Variants in SPATA7 observed in about 807,000 individuals in gnomAD.
SPATA7 encodes the protein spermatogenesis associated 7, also known as spermatogenesis-associated protein 7.
Under a neutral mutation model 51.8 loss-of-function variants are expected in SPATA7, and 43 were observed. The observed-to-expected ratio is 0.83, with a 90% CI of 0.65 to 1.07. The LOEUF (loss-of-function observed/expected upper bound fraction) is 1.07, where lower values mean the gene tolerates loss of function less well. Ranked by LOEUF, SPATA7 falls within the 50% of genes least tolerant of loss-of-function variation. The pLI is 0.00. For synonymous variants in SPATA7, 230 were observed against 252.8 expected, an observed-to-expected ratio of 0.91 and a Z score of 0.86; for missense variants, 683 against 701.3, an observed-to-expected ratio of 0.97 and a Z score of 0.30.
At position 88,426,513 on chromosome 14, in the gene SPATA7, G is replaced by T. The variant is rs1566779741; in HGVS notation, c.654G>T (p.Ser218=). Residue 218 remains serine (S), a synonymous_variant, in exon 6 of 12, where the codon TCG becomes TCT. Transcript: ENST00000393545. ...CCCACCGGTTTCAGTTAGTCATTTC[G>T]AAAGCACCCAGTGGGGATCTTTTGG... is the stretch of plus-strand genomic sequence containing the variant. ...PNSHRFQLVI[S]KAPSGDLLDK... 1 of 1,614,180 alleles carries T rather than the reference G, an allele frequency of 6.2e-7. No homozygotes were observed.
At chr14:88,470,161 A>G (rs2077438014) in exon 5 of SPATA7, 1 of 966,208 alleles carries the variant, frequency 1.0e-6, no homozygotes, top group Admixed American at 2.6e-5. Flanking sequence ...GTAAAAAGTA[A>G]AAAAGTAGTA....
chr14:88,460,324 TC>T (rs1165661807), intron 4 of SPATA7, among the ~76,000 whole-genome samples: 8 of 152,180 alleles, frequency 5.3e-5, no homozygotes, highest in African/African-American at 1.9e-4. Flanking sequence ...GGTTCCATTC[TC>T]CCCATCACTT....
chr14:88,385,799 C>T lies in SPATA7; in HGVS notation c.-20C>T. 1 of 1,602,514 alleles carries T rather than the reference C, an allele frequency of 6.2e-7. No individual in the cohort carries two copies. The highest frequency in any genetic ancestry group is 8.5e-7 in the Non-Finnish European group (1 of 1,174,300). On this transcript the variant is annotated 5_prime_UTR_variant, in exon 1 of 12. Coordinates refer to ENST00000393545, the MANE Select transcript of SPATA7 (RefSeq NM_018418.5). ...AAGGGGATACAGCGTGTCCCTGCGGCGGCTGCAAGAGGACTAAGCATGGAT... is the reference window on the plus strand; with the variant it reads ...AAGGGGATACAGCGTGTCCCTGCGGTGGCTGCAAGAGGACTAAGCATGGAT...
At chr14:88,395,165 T>A (rs1188874033) in intron 3 of SPATA7, among the ~76,000 whole-genome samples, 1 of 152,096 alleles carries the variant, frequency 6.6e-6, no homozygotes, top group Non-Finnish European at 1.5e-5. Context: ...ACTCTGCTCT[T>A]CCACTAATGT....
intron 5 of SPATA7, among the ~76,000 whole-genome samples, chr14:88,419,851 T>C (rs2076591803): frequency 6.6e-6 from 1 of 152,116 alleles, no homozygotes; most frequent in Non-Finnish European, 1.5e-5. Flanking sequence ...TGGCTTCTTA[T>C]TTCATACCTT....
intron 4 of SPATA7, chr14:88,468,078 G>A (rs752943225): frequency 6.3e-7 from 1 of 1,577,224 alleles, no homozygotes; most frequent in East Asian, 2.2e-5. Flanking sequence ...TTAGGCAAGC[G>A]CTTTTTTTTT....
At chr14:88,445,163 A>G in intron 3 of SPATA7, among the ~76,000 whole-genome samples, 1 of 151,444 alleles carries the variant, frequency 6.6e-6, no homozygotes, top group Non-Finnish European at 1.5e-5. Flanking sequence ...TATTTCCTTG[A>G]GCAGTGGTTT....
intron 3 of SPATA7, chr14:88,393,699 A>AT: frequency 2.5e-6 from 1 of 401,688 alleles, no homozygotes. Flanking sequence ...TATATTGCCT[A>AT]TTTTATTTCG....
intron 7 of SPATA7, chr14:88,428,883 T>C (rs1179381833): frequency 1.2e-5 from 2 of 171,112 alleles, no homozygotes; most frequent in Non-Finnish European, 2.5e-5. Flanking sequence ...TGGCACAGTT[T>C]GTGGTGTGTA....
At chr14:88,437,108 A>G (rs1298026658) in intron 10 of SPATA7, among the ~76,000 whole-genome samples, 1 of 145,806 alleles carries the variant, frequency 6.9e-6, no homozygotes, top group Admixed American at 6.9e-5. Context: ...CATTTTGTTC[A>G]TTGGTGTTTT....
intron 4 of SPATA7, among the ~76,000 whole-genome samples, chr14:88,401,568 G>T (rs1211529391): frequency 1.3e-5 from 2 of 152,078 alleles, no homozygotes; most frequent in African/African-American, 4.8e-5. Context: ...GGGTGTGGTG[G>T]TTCACTCCTG....
chr14:88,437,420 C>A, intron 10 of SPATA7, 123 bp from the exon 11 acceptor site: 2 of 713,554 alleles, frequency 2.8e-6, no homozygotes, highest in Non-Finnish European at 4.9e-6. Context: ...TTCAGCTTTA[C>A]AGAGAAAAAG....
intron 4 of SPATA7, among the ~76,000 whole-genome samples, chr14:88,408,603 T>C (rs1595218001): frequency 6.6e-6 from 1 of 152,328 alleles, no homozygotes; most frequent in Middle Eastern, 3.4e-3. Context: ...CTGCATTTCT[T>C]TCTCTTGCCT....
At chr14:88,399,085 A>G (rs980636189) in intron 4 of SPATA7, among the ~76,000 whole-genome samples, 1 of 152,098 alleles carries the variant, frequency 6.6e-6, no homozygotes, top group Non-Finnish European at 1.5e-5. Context: ...AGTAAATATC[A>G]ACCTAAGGTT....
chr14:88,457,974 A>G (rs1362700736), downstream of SPATA7, among the ~76,000 whole-genome samples: 3 of 152,110 alleles, frequency 2.0e-5, no homozygotes, highest in African/African-American at 4.8e-5. Flanking sequence ...TTCTGCATCT[A>G]TTGAGATAAT....
At chr14:88,443,872 C>T (rs1001678979) in intron 3 of SPATA7, among the ~76,000 whole-genome samples, 1 of 152,168 alleles carries the variant, frequency 6.6e-6, no homozygotes, top group African/African-American at 2.4e-5. Context: ...TTTTCTTAAT[C>T]CAGTCTATCA....
intron 4 of SPATA7, chr14:88,466,344 A>G (rs1054657196): frequency 7.2e-5 from 11 of 152,264 alleles, no homozygotes; most frequent in African/African-American, 2.6e-4. Flanking sequence ...TTTCATTAAT[A>G]TCTTCTGAGT....
intron 4 of SPATA7, among the ~76,000 whole-genome samples, chr14:88,407,270 T>C (rs181112367): frequency 2.5e-3 from 380 of 152,286 alleles, no homozygotes; most frequent in Non-Finnish European, 4.4e-3. Context: ...ACATCATGTC[T>C]AGCATCTGTT....
intron 4 of SPATA7, among the ~76,000 whole-genome samples, chr14:88,461,555 GA>G (rs1417199733): frequency 6.6e-6 from 1 of 152,176 alleles, no homozygotes; most frequent in African/African-American, 2.4e-5. Flanking sequence ...AAGACCATTG[GA>G]AAAGCTCAGT....
Sources: allele counts gnomAD v4.1 joint callset (sites outside exome capture counted in the v4.1 genomes callset), GRCh38; gene constraint gnomAD v4.1.1; transcripts MANE v1.5; gene names NCBI Gene and HGNC (gene_info 2026-07-23, HGNC 2026-07-21).